FBXL7: variants seen among roughly 807,000 people sequenced by gnomAD.
The protein encoded by FBXL7 is F-box and leucine rich repeat protein 7.
A neutral mutation model predicts 38.3 loss-of-function variants in FBXL7; 12 were observed. The ratio of observed to expected loss-of-function variants is 0.31; its 90% CI spans 0.20 to 0.51. The LOEUF is 0.51. Among genes scored for constraint, FBXL7 ranks in the 20% least tolerant of loss-of-function variants. The pLI, the probability that FBXL7 is intolerant of heterozygous loss-of-function variation, is 0.98. For synonymous variants in FBXL7, 297 were observed against 300.9 expected, an observed-to-expected ratio of 0.99 and a Z score of 0.13; for missense variants, 567 against 676.4, an observed-to-expected ratio of 0.84 and a Z score of 1.79.
At chr5:15,848,587 A>G (rs1185059370) in intron 2 of FBXL7, among the ~76,000 whole-genome samples, 3 of 152,158 alleles carry the variant, frequency 2.0e-5, no homozygotes, top group African/African-American at 4.8e-5. Context: ...TCACCACGTT[A>G]GCCAGGCTAG....
At chr5:15,558,767 C>G (rs1257175045) in intron 1 of FBXL7, among the ~76,000 whole-genome samples, 7 of 152,158 alleles carry the variant, frequency 4.6e-5, no homozygotes, top group Non-Finnish European at 1.0e-4. Flanking sequence ...TCCTCTCATA[C>G]TGAGGTTGCT....
intron 2 of FBXL7, among the ~76,000 whole-genome samples, chr5:15,886,862 C>T (rs1209124033): frequency 6.6e-6 from 1 of 152,188 alleles, no homozygotes; most frequent in Non-Finnish European, 1.5e-5. Context: ...CAAGGCAACA[C>T]CTCTTATCTA....
intron 2 of FBXL7, among the ~76,000 whole-genome samples, chr5:15,616,398 A>G (rs1740454435): frequency 6.6e-6 from 1 of 152,224 alleles, no homozygotes. Context: ...ATTATTTTAA[A>G]ATCCTTGTGC....
chr5:15,761,064 T>G (rs2126698285), intron 2 of FBXL7, among the ~76,000 whole-genome samples: 2 of 152,312 alleles, frequency 1.3e-5, no homozygotes, highest in East Asian at 1.9e-4. Flanking sequence ...TTTATTTTTC[T>G]TCTGGACAAC....
At position 15,936,233 on chromosome 5, in the gene FBXL7, TC is replaced by T. The variant is rs1430607278; in HGVS notation, c.740-216del. Among the ~76,000 whole-genome samples the T allele has an allele frequency of 4.6e-5, 7 of 152,336 alleles. 1 individual carries two copies. Among genetic ancestry groups the T allele is most frequent in the Admixed American group, 1.3e-4 (2 of 15,302 alleles). On this transcript the variant is annotated intron_variant, in intron 3 of 3. Coordinates refer to ENST00000504595, the MANE Select transcript of FBXL7 (RefSeq NM_012304.5). The surrounding 1 kb of genome is among the most constrained non-coding windows in gnomAD (Gnocchi z 6.0). ...AACCATGGTTTTTCTGATCCAATCC[TC>T]TTAAGCCCAGATAATAGAAATAATG...
At chr5:15,862,395 C>A (rs1232309640) in intron 2 of FBXL7, among the ~76,000 whole-genome samples, 1 of 152,164 alleles carries the variant, frequency 6.6e-6, no homozygotes, top group Non-Finnish European at 1.5e-5. Flanking sequence ...TTGTAAATTG[C>A]CCTGTCTCGG....
At chr5:15,921,670 A>T (rs1028397993) in intron 2 of FBXL7, among the ~76,000 whole-genome samples, 14 of 152,202 alleles carry the variant, frequency 9.2e-5, no homozygotes, top group Admixed American at 3.3e-4. Flanking sequence ...ATCCAATTTT[A>T]AAAATGAGCA....
intron 2 of FBXL7, among the ~76,000 whole-genome samples, chr5:15,854,828 T>C (rs1057137020): frequency 3.9e-5 from 6 of 152,152 alleles, no homozygotes; most frequent in African/African-American, 7.2e-5. Context: ...ATTTGATGGT[T>C]ATTCCCTTCT....
At chr5:15,568,614 T>C (rs1164516931) in intron 1 of FBXL7, among the ~76,000 whole-genome samples, 1 of 151,658 alleles carries the variant, frequency 6.6e-6, no homozygotes, top group Non-Finnish European at 1.5e-5. Flanking sequence ...TTTGTCAATT[T>C]TGGCTTTTGT....
intron 2 of FBXL7, among the ~76,000 whole-genome samples, chr5:15,872,128 A>G (rs1246991342): frequency 1.3e-5 from 2 of 152,190 alleles, no homozygotes; most frequent in African/African-American, 2.4e-5. Flanking sequence ...GTGGGGGACA[A>G]TATTCAACAT....
Position 15,500,544 on chromosome 5 carries a change from A to G in FBXL7, c.-133A>G. ...GAGTGCGGGGACCTCTCCAGGCCGG[A>G]GGTCGGCCCCGGAGCTTGGGGGGGA... On this transcript the variant is annotated 5_prime_UTR_variant, in exon 1 of 4. Coordinates refer to ENST00000504595, the MANE Select transcript of FBXL7 (RefSeq NM_012304.5). The G allele has an allele frequency of 2.4e-6, 3 of 1,255,368 alleles. No individual in the cohort carries two copies. Among genetic ancestry groups the G allele is most frequent in the Admixed American group, 1.7e-5 (1 of 59,272 alleles). The allele number at this position is 1,255,368 out of a possible 1,614,324, so 77.8% of individuals were successfully genotyped here.
At chr5:15,802,949 G>A (rs1308929615) in intron 2 of FBXL7, among the ~76,000 whole-genome samples, 11 of 152,108 alleles carry the variant, frequency 7.2e-5, no homozygotes, top group Non-Finnish European at 1.5e-4. Context: ...CACGGCACCC[G>A]GCCCCACCAC....
chr5:15,684,374 G>T (rs1561084376), intron 2 of FBXL7, among the ~76,000 whole-genome samples: 1 of 152,198 alleles, frequency 6.6e-6, no homozygotes, highest in Non-Finnish European at 1.5e-5. Context: ...GGGACACATA[G>T]ATTTGGATGA....
intron 1 of FBXL7, among the ~76,000 whole-genome samples, chr5:15,548,202 T>A (rs1737970815): frequency 6.6e-6 from 1 of 152,150 alleles, no homozygotes; most frequent in Non-Finnish European, 1.5e-5. Flanking sequence ...TCAAAAGCCC[T>A]CCGTGGAGTT....
At chr5:15,749,866 C>T (rs1250773122) in intron 2 of FBXL7, among the ~76,000 whole-genome samples, 2 of 152,110 alleles carry the variant, frequency 1.3e-5, no homozygotes, top group Non-Finnish European at 1.5e-5. Flanking sequence ...GAGACTCTGC[C>T]TACAAAAAAA....
intron 2 of FBXL7, among the ~76,000 whole-genome samples, chr5:15,823,851 G>T (rs975977094): frequency 6.6e-6 from 1 of 152,120 alleles, no homozygotes; most frequent in African/African-American, 2.4e-5. Context: ...AGTTCCACCT[G>T]CCCTGAGCAC....
At chr5:15,535,219 TG>T (rs1435040875) in intron 1 of FBXL7, among the ~76,000 whole-genome samples, 1 of 152,018 alleles carries the variant, frequency 6.6e-6, no homozygotes, top group Non-Finnish European at 1.5e-5. Context: ...TTTATAGCAG[TG>T]AAAAAAAGCG....
intron 2 of FBXL7, among the ~76,000 whole-genome samples, chr5:15,675,199 T>C (rs1742612853): frequency 6.6e-6 from 1 of 152,260 alleles, no homozygotes; most frequent in African/African-American, 2.4e-5. Flanking sequence ...ATCGTACTCA[T>C]ATATTAATTG....
At chr5:15,583,304 C>A (rs1319520264) in intron 1 of FBXL7, among the ~76,000 whole-genome samples, 1 of 152,156 alleles carries the variant, frequency 6.6e-6, no homozygotes, top group Non-Finnish European at 1.5e-5. Flanking sequence ...GACACAGAAC[C>A]AAACCATATC....
Sources: allele counts gnomAD v4.1 joint callset (sites outside exome capture counted in the v4.1 genomes callset), GRCh38; gene constraint gnomAD v4.1.1; non-coding constraint Gnocchi (gnomAD v3.1); transcripts MANE v1.5; gene names NCBI Gene and HGNC (gene_info 2026-07-23, HGNC 2026-07-21).